WFDC8: variants seen among roughly 807,000 people sequenced by gnomAD.
WFDC8 encodes the protein WAP four-disulfide core domain protein 8.
In WFDC8, 24 loss-of-function variants were observed where a neutral mutation model predicts 27.0. The ratio of observed to expected loss-of-function variants is 0.89; its 90% CI spans 0.64 to 1.25. The LOEUF is 1.25. Ranked by LOEUF, WFDC8 falls within the 50% of genes most tolerant of loss-of-function variation. The probability of loss-of-function intolerance (pLI) is 0.00; values close to 1 mark genes in which losing one functional copy is unlikely to be tolerated. For synonymous variants in WFDC8, 106 were observed against 99.7 expected (o/e 1.06, Z -0.38); for missense variants, 287 against 295.9 (o/e 0.97, Z 0.22).
intron 4 of WFDC8, among the ~76,000 whole-genome samples, chr20:45,553,985 T>C (rs560164227): frequency 6.6e-6 from 1 of 152,178 alleles, no homozygotes; most frequent in East Asian, 1.9e-4. Flanking sequence ...TACTGGTTTA[T>C]GTTTATGTTG....
chr20:45,558,377 G>T (rs982158113), intron 3 of WFDC8, among the ~76,000 whole-genome samples: 10 of 152,248 alleles, frequency 6.6e-5, no homozygotes, highest in Non-Finnish European at 1.2e-4. Flanking sequence ...TGTTCAAAGG[G>T]CATTAACAAC....
At chr20:45,555,995 A>G in intron 3 of WFDC8, 127 bp from the exon 4 acceptor site, 1 of 918,832 alleles carries the variant, frequency 1.1e-6, no homozygotes, top group Non-Finnish European at 1.6e-6. Context: ...TGGCAGGGGA[A>G]AAAAAAAGGC....
chr20:45,558,906 A>G lies in WFDC8; in HGVS notation c.223T>C (p.Tyr75His). The G allele has an allele frequency of 6.2e-7, 1 of 1,614,230 alleles. No homozygotes were observed. Among genetic ancestry groups the G allele is most frequent in the Non-Finnish European group, 8.5e-7 (1 of 1,180,022 alleles). ...CAGGCAAAAAAGCAGCACTTCTGGT[A>G]TTCCTTGCAGTCAAAATCTGTGTTA... ...SCNTDFDCKE[Y>H]QKCCFFACQK... The change falls in exon 3 of 6, where the codon TAC (tyrosine) becomes CAC (histidine). Residue 75 changes from tyrosine (Y) to histidine (H), a missense_variant. Physicochemically the swap from Tyr to His is moderately conservative, Grantham distance 83. Transcript: ENST00000289953.
chr20:45,552,072 T>A lies in WFDC8; in HGVS notation c.680A>T (p.Lys227Met). ...LQDEECPLVE[K>M]CCSHCGLKCM... ...TTTCAGTCCACAATGTGAGCAGCAC[T>A]TTTCCACCAATGGGCACTCCTCATC... The change falls in exon 6 of 6, where the codon AAG (lysine) becomes ATG (methionine). Residue 227 changes from lysine to methionine, a missense_variant. By Grantham distance (95) the Lys-to-Met change is moderately conservative (BLOSUM62 -1). Coordinates refer to ENST00000289953, the MANE Select transcript of WFDC8 (RefSeq NM_130896.3). 1.2e-6 allele frequency: 2 copies of A among 1,614,146 alleles called. No individual in the cohort carries two copies. Among genetic ancestry groups the A allele is most frequent in the Non-Finnish European group, 1.7e-6 (2 of 1,179,968 alleles).
At chr20:45,552,556 A>G (rs1980077253) in intron 5 of WFDC8, among the ~76,000 whole-genome samples, 1 of 152,224 alleles carries the variant, frequency 6.6e-6, no homozygotes, top group South Asian at 2.1e-4. Flanking sequence ...ATAGAAAGCC[A>G]GTAGAAAAGT....
In WFDC8 at chr20:45,579,222, C is replaced by T; in HGVS notation, c.26G>A (p.Gly9Glu). The change falls in exon 1 of 6, where the codon GGG becomes GAG. Residue 9 changes from glycine (G) to glutamate (E), a missense_variant and splice_region_variant. Physicochemically the swap from Gly to Glu is moderately conservative, Grantham distance 98 (BLOSUM62 -2). Transcript: ENST00000289953. ...CCACCCCCATAGACACCCTCCTCAC[C>T]CTCCTTCAGTTCGGACAGTCCACAT... MWTVRTEG[G>E]HFPLHSPTFS... 6.2e-7 allele frequency: 1 copy of T among 1,613,926 alleles called. No homozygotes were observed. The highest frequency in any genetic ancestry group is 1.1e-5 in the South Asian group (1 of 91,070).
At chr20:45,561,160 A>G (rs1020030613) in intron 2 of WFDC8, among the ~76,000 whole-genome samples, 1 of 152,166 alleles carries the variant, frequency 6.6e-6, no homozygotes, top group African/African-American at 2.4e-5. Flanking sequence ...GTGTATAAGC[A>G]TACCTCATGG....
At chr20:45,561,894 A>C (rs6032327) in intron 2 of WFDC8, among the ~76,000 whole-genome samples, 58,394 of 151,522 alleles carry the variant, frequency 0.39, 11,676 homozygotes, top group Non-Finnish European at 0.43. Context: ...TAGTCTCCTT[A>C]CATATATAAA....
intron 1 of WFDC8, among the ~76,000 whole-genome samples, chr20:45,565,839 G>C (rs1980657921): frequency 6.6e-6 from 1 of 152,156 alleles, no homozygotes; most frequent in Non-Finnish European, 1.5e-5. Flanking sequence ...TGGGAGAAAT[G>C]AGTTTGACTG....
intron 1 of WFDC8, among the ~76,000 whole-genome samples, chr20:45,567,008 G>C (rs1281687704): frequency 6.6e-6 from 1 of 151,978 alleles, no homozygotes; most frequent in East Asian, 1.9e-4. Context: ...TTGTTATACT[G>C]TATTGGTTTT....
rs368606406 is a variant in WFDC8 at position 45,556,121 on chromosome 20, G to A, written c.278-253C>T. Among the ~76,000 whole-genome samples the A allele has an allele frequency of 1.4e-3, 214 of 152,312 alleles. 4 individuals are homozygous for A. Among genetic ancestry groups the A allele is most frequent in the African/African-American group, 4.7e-3 (196 of 41,568 alleles). ...GCATATAAGAATCTTGTACTTTGGA[G>A]CTGATCTTTCTTCTCCACTGTCCTG... On this transcript the variant is annotated intron_variant, in intron 3 of 5. Coordinates refer to ENST00000289953, the MANE Select transcript of WFDC8 (RefSeq NM_130896.3).
rs767050790 is a variant in WFDC8 at position 45,553,117 on chromosome 20, G to T, written c.586+19C>A. On this transcript the variant is annotated intron_variant, in intron 5 of 5. Transcript: ENST00000289953. ...GGCACATGCCCAATAGATTTGGGAG[G>T]TATATCCCCAATCCTTACCTGTCCA... 3.7e-6 allele frequency: 6 copies of T among 1,604,706 alleles called. No homozygotes were observed. The highest frequency in any genetic ancestry group is 5.1e-6 in the Non-Finnish European group (6 of 1,176,322).
At chr20:45,551,313 T>A (rs1206782213), downstream of WFDC8, 1 of 152,022 alleles carries the variant, frequency 6.6e-6, no homozygotes, top group African/African-American at 2.4e-5. Flanking sequence ...TAGCTATAAA[T>A]GGATAGGAAA....
At chr20:45,553,321 C>G in intron 4 of WFDC8, 45 bp from the exon 5 acceptor site, 1 of 1,583,036 alleles carries the variant, frequency 6.3e-7, no homozygotes, top group Non-Finnish European at 8.6e-7. Context: ...CCACCCCCAT[C>G]CCACCACCCT....
chr20:45,571,935 C>A (rs1239612019), intron 1 of WFDC8, among the ~76,000 whole-genome samples: 1 of 152,178 alleles, frequency 6.6e-6, no homozygotes, highest in African/African-American at 2.4e-5. Flanking sequence ...CTGCAATGAA[C>A]ATAGCAGTGC....
At chr20:45,569,273 T>C (rs1324296157) in intron 1 of WFDC8, among the ~76,000 whole-genome samples, 1 of 152,218 alleles carries the variant, frequency 6.6e-6, no homozygotes, top group Non-Finnish European at 1.5e-5. Flanking sequence ...CATGTGATAT[T>C]TGGCAACTTA....
chr20:45,552,412 C>T (rs1360245291), intron 5 of WFDC8, among the ~76,000 whole-genome samples: 1 of 152,162 alleles, frequency 6.6e-6, no homozygotes. Flanking sequence ...TCTGCTCCTA[C>T]AGAATTAATG....
intron 5 of WFDC8, 136 bp downstream of exon 5, chr20:45,553,000 A>C: frequency 1.8e-6 from 2 of 1,084,500 alleles, no homozygotes; most frequent in Non-Finnish European, 2.6e-6. Context: ...GTTGGGCATT[A>C]AAAGGGGTTC....
chr20:45,559,128 A>G (rs566576943), intron 2 of WFDC8, 136 bp from the exon 3 acceptor site: 88 of 1,089,304 alleles, frequency 8.1e-5, no homozygotes, highest in Non-Finnish European at 1.1e-4. Flanking sequence ...GCTTATATTC[A>G]GGGGCTAGTT....
Sources: allele counts gnomAD v4.1 joint callset (sites outside exome capture counted in the v4.1 genomes callset), GRCh38; gene constraint gnomAD v4.1.1; transcripts MANE v1.5; gene names NCBI Gene and HGNC (gene_info 2026-07-23, HGNC 2026-07-21).